The following TACC1 variants were observed in gnomAD, a reference collection of about 807,000 sequenced individuals.
TACC1 encodes the protein transforming acidic coiled-coil containing protein 1, also known as transforming acidic coiled-coil-containing protein 1.
In TACC1, 48 loss-of-function variants were observed where a neutral mutation model predicts 84.4. The observed-to-expected ratio is 0.57, with a 90% CI of 0.45 to 0.72. The LOEUF is 0.72. Among genes scored for constraint, TACC1 ranks in the 30% least tolerant of loss-of-function variants. TACC1 has a pLI of 0.00. For synonymous variants in TACC1, 372 were observed against 376.3 expected (o/e 0.99, Z 0.13); for missense variants, 920 against 973.0 (o/e 0.95, Z 0.72).
chr8:38,846,961 TC>T (rs1441412243), intron 12 of TACC1, 142 bp downstream of exon 12: 2 of 981,894 alleles, frequency 2.0e-6, no homozygotes, highest in Middle Eastern at 3.4e-4. Flanking sequence ...TCTGAACTGA[TC>T]CAGGTGGAAA....
chr8:38,794,558 T>G (rs887990737), intron 2 of TACC1, among the ~76,000 whole-genome samples: 27 of 126,080 alleles, frequency 2.1e-4, no homozygotes, highest in Non-Finnish European at 3.2e-4. Flanking sequence ...GTGTGTGTGT[T>G]TGTTTGTGTG....
intron 3 of TACC1, among the ~76,000 whole-genome samples, chr8:38,771,039 G>C (rs1813508021): frequency 6.6e-6 from 1 of 152,190 alleles, no homozygotes. Context: ...TGAACCAAGA[G>C]GCCAGGGACT....
At chr8:38,808,769 G>A (rs1823351548) in intron 2 of TACC1, among the ~76,000 whole-genome samples, 1 of 152,202 alleles carries the variant, frequency 6.6e-6, no homozygotes, top group South Asian at 2.1e-4. Context: ...TGAGACACTT[G>A]CTGATAGTGT....
intron 2 of TACC1, among the ~76,000 whole-genome samples, chr8:38,800,696 T>C (rs1425175802): frequency 6.6e-6 from 1 of 152,266 alleles, no homozygotes; most frequent in African/African-American, 2.4e-5. Context: ...CACTTTTGGC[T>C]ATGATGAATA....
At chr8:38,756,680 C>G (rs951021497) in intron 3 of TACC1, among the ~76,000 whole-genome samples, 2 of 152,150 alleles carry the variant, frequency 1.3e-5, no homozygotes, top group African/African-American at 4.8e-5. Flanking sequence ...ATAAAGAAAA[C>G]AAGACTCAGA....
chr8:38,742,543 T>A (rs760830843), intron 2 of TACC1: 5 of 952,566 alleles, frequency 5.2e-6, no homozygotes, highest in Non-Finnish European at 7.8e-6. Context: ...TATGTAATCT[T>A]TGTATTTGGA....
intron 2 of TACC1, among the ~76,000 whole-genome samples, chr8:38,790,497 G>A (rs983045749): frequency 6.6e-6 from 1 of 152,182 alleles, no homozygotes; most frequent in African/African-American, 2.4e-5. Context: ...ACTCTAGGAT[G>A]GAAGTCCTTT....
rs1475530947 is a variant in TACC1 at position 38,820,191 on chromosome 8, C to T, written c.947C>T (p.Ser316Leu). The T allele has an allele frequency of 2.5e-6, 4 of 1,614,070 alleles. No homozygotes were observed. Among genetic ancestry groups the T allele is most frequent in the East Asian group, 2.2e-5 (1 of 44,878 alleles). Residue 316 changes from serine to leucine, a missense_variant, in exon 3 of 13, where the codon TCA becomes TTA. Ser to Leu is a moderately radical substitution (Grantham distance 145). Coordinates refer to ENST00000317827, the MANE Select transcript of TACC1 (RefSeq NM_006283.3). ...GVELGEESRS[S>L]PLKLEFDFTE... ...GAGCTGGGGGAGGAGTCGAGGAGCTCACCTCTCAAGCTTGAGTTTGATTTC... is the reference window on the plus strand; with the variant it reads ...GAGCTGGGGGAGGAGTCGAGGAGCTTACCTCTCAAGCTTGAGTTTGATTTC...
At chr8:38,786,005 A>C (rs1263203389), upstream of TACC1, 1 of 152,188 alleles carries the variant, frequency 6.6e-6, no homozygotes, top group Non-Finnish European at 1.5e-5. Flanking sequence ...TCAAATGTGT[A>C]AAACAGTCAC....
intron 11 of TACC1, chr8:38,845,112 A>G (rs1450261202): frequency 1.3e-5 from 2 of 152,132 alleles, no homozygotes; most frequent in African/African-American, 4.8e-5. Context: ...TTTAGTAGAG[A>G]CGGGGTTTCG....
intron 3 of TACC1, among the ~76,000 whole-genome samples, chr8:38,820,859 C>T (rs1379441615): frequency 1.3e-5 from 2 of 152,036 alleles, no homozygotes; most frequent in Admixed American, 1.3e-4. Flanking sequence ...TTTCTGAATC[C>T]TTAGCTTAAT....
chr8:38,788,516 T>G, intron 1 of TACC1, 188 bp from the exon 2 acceptor site: 15 of 496,404 alleles, frequency 3.0e-5, no homozygotes, highest in Admixed American at 7.4e-5. Flanking sequence ...GATGCCAGCC[T>G]GAGAAACCCA....
At chr8:38,845,720 G>T (rs1382969374) in intron 11 of TACC1, among the ~76,000 whole-genome samples, 1 of 152,180 alleles carries the variant, frequency 6.6e-6, no homozygotes, top group Non-Finnish European at 1.5e-5. Context: ...ACTGAAAGTG[G>T]CATTGCTGCG....
At position 38,848,074 on chromosome 8, in the gene TACC1, G is replaced by A; in HGVS notation, c.*51G>A. ...ATCTGCATTTGGCTGCTTCTCTTGT[G>A]ACCACAATTATCTTGCCTTATCCAG... On this transcript the variant is annotated 3_prime_UTR_variant, in exon 13 of 13. Transcript: ENST00000317827. 6.5e-7 allele frequency: 1 copy of A among 1,540,310 alleles called. No individual in the cohort carries two copies. The highest frequency in any genetic ancestry group is 1.2e-5 in the South Asian group (1 of 85,982).
intron 5 of TACC1, among the ~76,000 whole-genome samples, chr8:38,830,805 C>T (rs891165096): frequency 6.6e-6 from 1 of 152,208 alleles, no homozygotes; most frequent in Non-Finnish European, 1.5e-5. Flanking sequence ...CACAGTGTCC[C>T]CTTTCTGAAA....
intron 5 of TACC1, among the ~76,000 whole-genome samples, chr8:38,829,949 G>A (rs1026703908): frequency 1.3e-5 from 2 of 152,142 alleles, no homozygotes; most frequent in African/African-American, 2.4e-5. Flanking sequence ...CTTACTAGAT[G>A]TTCTCCAGGA....
upstream of TACC1, among the ~76,000 whole-genome samples, chr8:38,784,764 A>G (rs1302295427): frequency 6.6e-6 from 1 of 152,184 alleles, no homozygotes; most frequent in Non-Finnish European, 1.5e-5. Context: ...TCTTACATAT[A>G]TATTGAACAC....
intron 3 of TACC1, among the ~76,000 whole-genome samples, chr8:38,777,692 G>C (rs1355719826): frequency 6.6e-6 from 1 of 152,218 alleles, no homozygotes; most frequent in African/African-American, 2.4e-5. Flanking sequence ...CTACTCAAGA[G>C]GCTGAGGTGG....
intron 2 of TACC1, among the ~76,000 whole-genome samples, chr8:38,792,535 G>A (rs1026276166): frequency 3.3e-5 from 5 of 151,870 alleles, no homozygotes; most frequent in African/African-American, 7.3e-5. Flanking sequence ...GTGCGATCTC[G>A]GCTCACTGCA....
Sources: allele counts gnomAD v4.1 joint callset (sites outside exome capture counted in the v4.1 genomes callset), GRCh38; gene constraint gnomAD v4.1.1; transcripts MANE v1.5; gene names NCBI Gene and HGNC (gene_info 2026-07-23, HGNC 2026-07-21).